Variants in CA10 observed in about 807,000 individuals in gnomAD.
The protein encoded by CA10 is carbonic anhydrase-related protein 10.
CA10 carries 14 observed loss-of-function variants against 44.2 expected under a neutral mutation model. That is an observed-to-expected ratio of 0.32 (90% CI 0.21 to 0.50). The LOEUF (loss-of-function observed/expected upper bound fraction) is 0.50, where lower values mean the gene tolerates loss of function less well. Among genes scored for constraint, CA10 ranks in the 20% least tolerant of loss-of-function variants. The probability of loss-of-function intolerance (pLI) is 0.99; values close to 1 mark genes in which losing one functional copy is unlikely to be tolerated. For missense variants in CA10, 350 were observed against 409.7 expected (o/e 0.85, Z 1.26); for synonymous variants, 159 against 141.6 (o/e 1.12, Z -0.87).
intron 3 of CA10, among the ~76,000 whole-genome samples, chr17:51,837,079 AACACACAC>A (rs5820881): frequency 2.0e-5 from 3 of 149,858 alleles, no homozygotes; most frequent in Non-Finnish European, 4.4e-5. Flanking sequence ...GAGTTCAGAC[AACACACAC>A]ACACACACAC....
chr17:52,025,946 AATAT>A (rs758192764), intron 2 of CA10, among the ~76,000 whole-genome samples: 4 of 151,968 alleles, frequency 2.6e-5, no homozygotes, highest in South Asian at 2.1e-4. Flanking sequence ...CAAACATAGA[AATAT>A]ATATATACAC....
chr17:51,680,559 C>A (rs1016731674), intron 4 of CA10, among the ~76,000 whole-genome samples: 1 of 152,188 alleles, frequency 6.6e-6, no homozygotes, highest in Non-Finnish European at 1.5e-5. Context: ...GGGAGTGACA[C>A]TCCCGCACCC....
At chr17:51,750,386 A>T (rs915756477) in intron 3 of CA10, among the ~76,000 whole-genome samples, 21 of 152,208 alleles carry the variant, frequency 1.4e-4, no homozygotes, top group Non-Finnish European at 2.4e-4. Flanking sequence ...TGTTATTCTA[A>T]CATATAGATA....
chr17:51,741,400 GT>G (rs1263764900), intron 4 of CA10, among the ~76,000 whole-genome samples: 1 of 152,192 alleles, frequency 6.6e-6, no homozygotes, highest in African/African-American at 2.4e-5. Flanking sequence ...ACATGTCTTA[GT>G]AGTAACTGCA....
intron 4 of CA10, among the ~76,000 whole-genome samples, chr17:51,717,829 G>GTA (rs55932655): frequency 0.11 from 903 of 7,874 alleles, 139 homozygotes; most frequent in Non-Finnish European, 0.16. Context: ...ATATGTGTGT[G>GTA]TATATATATA....
At chr17:51,949,963 T>G (rs1043859053) in intron 2 of CA10, among the ~76,000 whole-genome samples, 1 of 152,172 alleles carries the variant, frequency 6.6e-6, no homozygotes, top group African/African-American at 2.4e-5. Context: ...CATGTGAATA[T>G]TTATTCATAA....
chr17:51,856,361 A>AAACAACAACAAC (rs3033577), intron 3 of CA10, among the ~76,000 whole-genome samples: 27 of 150,474 alleles, frequency 1.8e-4, no homozygotes, highest in Middle Eastern at 3.4e-3. Context: ...CATTTCAGTA[A>AAACAACAACAAC]AACAACAACA....
At chr17:52,003,034 T>C (rs1253934063) in intron 2 of CA10, among the ~76,000 whole-genome samples, 3 of 152,012 alleles carry the variant, frequency 2.0e-5, no homozygotes, top group Non-Finnish European at 4.4e-5. Flanking sequence ...AGGAATGAGG[T>C]TTGCTGTCTC....
At chr17:52,079,373 C>A (rs568089991) in intron 1 of CA10, among the ~76,000 whole-genome samples, 2 of 151,416 alleles carry the variant, frequency 1.3e-5, no homozygotes, top group African/African-American at 4.9e-5. Flanking sequence ...GCAGGAGAAT[C>A]GCTTCAACCC....
chr17:51,748,349 C>A, intron 3 of CA10: 1 of 330,384 alleles, frequency 3.0e-6, no homozygotes. Context: ...TGCACAGAAT[C>A]CTCATAGCTT....
At chr17:51,737,060 T>C (rs892039314) in intron 4 of CA10, among the ~76,000 whole-genome samples, 3 of 152,152 alleles carry the variant, frequency 2.0e-5, no homozygotes, top group Admixed American at 6.5e-5. Flanking sequence ...ATTAGAAGAA[T>C]GGACTTACCC....
chr17:51,975,899 A>T (rs1375409161), intron 2 of CA10, among the ~76,000 whole-genome samples: 1 of 149,788 alleles, frequency 6.7e-6, no homozygotes, highest in Non-Finnish European at 1.5e-5. Context: ...AAAAAGCAAG[A>T]GTCAACTATA....
intron 6 of CA10, among the ~76,000 whole-genome samples, chr17:51,646,054 C>T (rs1277083029): frequency 1.3e-5 from 2 of 152,206 alleles, no homozygotes; most frequent in Admixed American, 6.5e-5. Flanking sequence ...ACTTGCAGAC[C>T]TGTAGCTGGA....
At chr17:51,778,164 C>T (rs1190050637) in intron 3 of CA10, among the ~76,000 whole-genome samples, 1 of 152,172 alleles carries the variant, frequency 6.6e-6, no homozygotes, top group Non-Finnish European at 1.5e-5. Flanking sequence ...CACTCTCATT[C>T]TAAATAATAG....
intron 8 of CA10, among the ~76,000 whole-genome samples, chr17:51,632,489 G>A (rs1912625260): frequency 6.6e-6 from 1 of 152,202 alleles, no homozygotes; most frequent in Non-Finnish European, 1.5e-5. Flanking sequence ...AGTAGTGGTG[G>A]AGGCTGCTTC....
intron 3 of CA10, among the ~76,000 whole-genome samples, chr17:51,784,276 G>A (rs78007210): frequency 1.0e-3 from 157 of 152,254 alleles, no homozygotes; most frequent in Middle Eastern, 3.4e-3. Flanking sequence ...GAAGGAGCAC[G>A]CCATCCAGCT....
chr17:52,050,832 G>A (rs774989931), intron 2 of CA10, among the ~76,000 whole-genome samples: 8 of 151,990 alleles, frequency 5.3e-5, no homozygotes, highest in Admixed American at 1.3e-4. Context: ...TTGAAAATAC[G>A]TATTTATTGT....
At chr17:51,797,170 C>T (rs1027126272) in intron 3 of CA10, among the ~76,000 whole-genome samples, 2 of 152,240 alleles carry the variant, frequency 1.3e-5, no homozygotes, top group African/African-American at 2.4e-5. Flanking sequence ...GTAGCTCCAG[C>T]GGTTGGTGGA....
rs562319099 is a variant in CA10, at chr17:52,157,889, G to C, written c.-103C>G. On this transcript the variant is annotated 5_prime_UTR_variant, in exon 1 of 9. Transcript: ENST00000451037. ...TACACACTCGCACACACTTCCGAGC[G>C]AGTGCACACTCGCACTCCCACCCGA... 1.1e-3 allele frequency: 1,003 copies of C among 915,432 alleles called. 5 individuals carry two copies. In the African/African-American group the frequency reaches 0.015, roughly 13 times the overall value. The allele number at this position is 915,432 out of a possible 1,614,324, so 56.7% of individuals were successfully genotyped here.
Sources: gnomAD v4.1 joint callset for allele counts (sites outside exome capture counted in the v4.1 genomes callset) on GRCh38, gnomAD v4.1.1 for gene constraint, MANE v1.5 for transcripts, NCBI Gene and HGNC (gene_info 2026-07-23, HGNC 2026-07-21) for gene names.